The following KBTBD11 variants were observed in gnomAD, a reference collection of about 807,000 sequenced individuals.
The protein encoded by KBTBD11 is kelch repeat and BTB domain containing 11.
For missense variants in KBTBD11, 1,390 were observed against 1,001.8 expected (o/e 1.39, Z -5.23); for synonymous variants, 747 against 499.0 (o/e 1.50, Z -6.63).
At chr8:1,997,278 C>T (rs1390759329) in intron 1 of KBTBD11, among the ~76,000 whole-genome samples, 3 of 152,140 alleles carry the variant, frequency 2.0e-5, no homozygotes, top group Admixed American at 6.5e-5. Flanking sequence ...CCCTGACTTC[C>T]CATCCAAAAA....
In KBTBD11 at chr8:2,006,258, G is replaced by C. The variant is rs1817570396; in HGVS notation, c.*3194G>C. 6.0e-6 allele frequency: 1 copy of C among 167,024 alleles called. No individual in the cohort carries two copies. The highest frequency in any genetic ancestry group is 1.5e-5 in the Non-Finnish European group (1 of 68,120). 10.3% of individuals were successfully genotyped at this position (167,024 alleles called of 1,614,324 possible). A position where few individuals can be genotyped will look rare whatever the true frequency, so the allele number is the denominator to read the frequency against. ...GTCTCTTAGGTAACTTCCTGTAAAC[G>C]ATTTGGAAATAGGATGTTTTCAACG... On this transcript the variant is annotated 3_prime_UTR_variant, in exon 2 of 2. Transcript: ENST00000320248.
chr8:1,984,814 G>A (rs779377383), intron 1 of KBTBD11, among the ~76,000 whole-genome samples: 48 of 152,078 alleles, frequency 3.2e-4, no homozygotes, highest in Non-Finnish European at 1.3e-4. Flanking sequence ...AGTGGCAGCC[G>A]ATCATTGGAA....
At chr8:1,993,907 A>G (rs1387841590) in intron 1 of KBTBD11, among the ~76,000 whole-genome samples, 1 of 121,912 alleles carries the variant, frequency 8.2e-6, no homozygotes, top group Non-Finnish European at 1.8e-5. Context: ...CAATATATGA[A>G]TACACAATAC....
intron 1 of KBTBD11, among the ~76,000 whole-genome samples, chr8:1,977,702 T>A (rs1241807565): frequency 1.3e-5 from 2 of 151,598 alleles, no homozygotes; most frequent in African/African-American, 4.9e-5. Flanking sequence ...TTATTTATTT[T>A]TTTTTGTAGT....
chr8:1,995,139 T>C (rs1271295978), intron 1 of KBTBD11, among the ~76,000 whole-genome samples: 1 of 151,498 alleles, frequency 6.6e-6, no homozygotes, highest in Non-Finnish European at 1.5e-5. Flanking sequence ...TGCATGTTGC[T>C]AGGTATATTA....
chr8:1,991,855 C>A (rs1816931426), intron 1 of KBTBD11, among the ~76,000 whole-genome samples: 2 of 152,016 alleles, frequency 1.3e-5, no homozygotes, highest in South Asian at 4.1e-4. Context: ...GAGACTCCGA[C>A]CTGGGTGTGT....
At chr8:1,989,237 C>T (rs1288258199) in intron 1 of KBTBD11, among the ~76,000 whole-genome samples, 4 of 152,216 alleles carry the variant, frequency 2.6e-5, no homozygotes, top group South Asian at 2.1e-4. Flanking sequence ...TCAGTTTCCA[C>T]CCCAAGGACA....
chr8:1,977,098 A>G (rs1816373607), intron 1 of KBTBD11, among the ~76,000 whole-genome samples: 1 of 150,672 alleles, frequency 6.6e-6, no homozygotes, highest in South Asian at 2.1e-4. Context: ...TTTTTTTTTA[A>G]GCTCATCATC....
intron 1 of KBTBD11, among the ~76,000 whole-genome samples, chr8:1,980,603 G>A (rs1214830914): frequency 6.6e-6 from 1 of 152,256 alleles, no homozygotes; most frequent in African/African-American, 2.4e-5. Flanking sequence ...CGTGGGGGAT[G>A]CCACGTGCTT....
At chr8:1,993,328 T>C (rs1265281484) in intron 1 of KBTBD11, among the ~76,000 whole-genome samples, 1 of 152,010 alleles carries the variant, frequency 6.6e-6, no homozygotes, top group Non-Finnish European at 1.5e-5. Flanking sequence ...CATCTATCCA[T>C]CCAGTCGCCC....
chr8:1,988,450 T>A (rs1816772907), intron 1 of KBTBD11, among the ~76,000 whole-genome samples: 1 of 152,194 alleles, frequency 6.6e-6, no homozygotes, highest in Admixed American at 6.5e-5. Flanking sequence ...GGTACCTCAT[T>A]GTGGTTTTGA....
intron 1 of KBTBD11, among the ~76,000 whole-genome samples, chr8:1,995,114 G>A (rs1321178452): frequency 2.0e-5 from 3 of 150,864 alleles, no homozygotes; most frequent in Non-Finnish European, 2.9e-5. Flanking sequence ...TGCTGTGGTG[G>A]GACAGACACT....
At chr8:1,996,016 C>G (rs754465949) in intron 1 of KBTBD11, among the ~76,000 whole-genome samples, 1 of 152,106 alleles carries the variant, frequency 6.6e-6, no homozygotes, top group Non-Finnish European at 1.5e-5. Flanking sequence ...AGAGCAAGAC[C>G]CTGTCTCAAA....
At chr8:1,978,110 T>G (rs2129308126) in intron 1 of KBTBD11, among the ~76,000 whole-genome samples, 1 of 152,320 alleles carries the variant, frequency 6.6e-6, no homozygotes, top group Admixed American at 6.5e-5. Flanking sequence ...ACCTAGGTAT[T>G]AAGCCCAGCA....
In KBTBD11 at chr8:2,002,026, C is replaced by T. The variant is rs554098026; in HGVS notation, c.834C>T (p.Gly278=). ...CCGCCGTGTTCGGCCGCCTGTCGGGCGCAGAGCGGGACCTGCTGCTGCGCC... is the reference window on the plus strand; with the variant it reads ...CCGCCGTGTTCGGCCGCCTGTCGGGTGCAGAGCGGGACCTGCTGCTGCGCC... ...REPAVFGRLS[G]AERDLLLRRR... The change falls in exon 2 of 2, where the codon GGC becomes GGT. Residue 278 remains glycine (G), a synonymous_variant. Transcript: ENST00000320248. The surrounding 1 kb of genome is among the most constrained non-coding windows in gnomAD (Gnocchi z 4.1). The T allele has an allele frequency of 4.3e-6, 6 of 1,387,462 alleles. No individual in the cohort carries two copies. The Admixed American group carries it at 6.9e-5, about 16-fold the overall frequency. 85.9% of individuals were successfully genotyped at this position (1,387,462 alleles called of 1,614,324 possible).
intron 1 of KBTBD11, among the ~76,000 whole-genome samples, chr8:1,993,282 G>T (rs936918334): frequency 6.6e-6 from 1 of 151,956 alleles, no homozygotes; most frequent in African/African-American, 2.4e-5. Context: ...AGTTACCATT[G>T]TTTTAGTTTC....
chr8:1,987,917 G>A (rs1485294032), intron 1 of KBTBD11, among the ~76,000 whole-genome samples: 2 of 152,006 alleles, frequency 1.3e-5, no homozygotes, highest in Non-Finnish European at 1.5e-5. Flanking sequence ...GGTGTGTGAT[G>A]TTCCCCGCCC....
At chr8:1,981,075 G>A (rs1178920126) in intron 1 of KBTBD11, among the ~76,000 whole-genome samples, 1 of 152,224 alleles carries the variant, frequency 6.6e-6, no homozygotes, top group Non-Finnish European at 1.5e-5. Flanking sequence ...GTGTGACCCT[G>A]AGCCTGTCAG....
intron 1 of KBTBD11, among the ~76,000 whole-genome samples, chr8:1,979,755 G>GT (rs1454145934): frequency 2.0e-5 from 2 of 97,578 alleles, no homozygotes; most frequent in African/African-American, 6.0e-5. Context: ...AGAAGTGTGT[G>GT]GCAGACAGGG....
Sources: gnomAD v4.1 joint callset for allele counts (sites outside exome capture counted in the v4.1 genomes callset) on GRCh38, gnomAD v4.1.1 for gene constraint, Gnocchi (gnomAD v3.1) non-coding constraint, MANE v1.5 for transcripts, NCBI Gene and HGNC (gene_info 2026-07-23, HGNC 2026-07-21) for gene names.